LDAH: variants seen among roughly 807,000 people sequenced by gnomAD.
The protein encoded by LDAH is lipid droplet associated hydrolase.
A neutral mutation model predicts 29.6 loss-of-function variants in LDAH; 26 were observed. That is an observed-to-expected ratio of 0.88 (90% CI 0.64 to 1.22). The LOEUF (loss-of-function observed/expected upper bound fraction) is 1.22, where lower values mean the gene tolerates loss of function less well. Among genes scored for constraint, LDAH ranks in the 50% most tolerant of loss-of-function variants. The pLI is 0.00. For synonymous variants in LDAH, 117 were observed against 133.0 expected (o/e 0.88, Z 0.83); for missense variants, 344 against 387.3 (o/e 0.89, Z 0.94).
intron 5 of LDAH, among the ~76,000 whole-genome samples, chr2:20,727,582 T>C (rs1254465022): frequency 1.3e-5 from 2 of 152,186 alleles, no homozygotes; most frequent in African/African-American, 4.8e-5. Flanking sequence ...AAATAAAATA[T>C]CAATTTGGCC....
chr2:20,809,385 G>C lies in LDAH; in HGVS notation c.-2-7920C>G, dbSNP rs58426939. 6.3e-3 allele frequency among the ~76,000 whole-genome samples: 965 copies of C among 152,164 alleles called. 14 individuals are homozygous for C. Among genetic ancestry groups the C allele is most frequent in the African/African-American group, 0.022 (903 of 41,506 alleles). On this transcript the variant is annotated intron_variant, in intron 1 of 6. Transcript: ENST00000237822. ...CTGCACTCCAGCCTGGCAGCAGAGT[G>C]AGAGTTCATCTCAAAAAAAAAGGAA... is the stretch of plus-strand genomic sequence containing the variant.
At chr2:20,817,637 T>C (rs1572698508) in intron 1 of LDAH, among the ~76,000 whole-genome samples, 3 of 152,234 alleles carry the variant, frequency 2.0e-5, no homozygotes. Flanking sequence ...ACACTTACCA[T>C]ATGACTTAGC....
chr2:20,683,037 T>C (rs1208511600), downstream of LDAH, among the ~76,000 whole-genome samples: 1 of 152,244 alleles, frequency 6.6e-6, no homozygotes, highest in Non-Finnish European at 1.5e-5. Flanking sequence ...CTCTTCTCTC[T>C]TCCAAGAGCT....
intron 6 of LDAH, among the ~76,000 whole-genome samples, chr2:20,696,610 C>A (rs1558384875): frequency 6.6e-6 from 1 of 152,196 alleles, no homozygotes; most frequent in Non-Finnish European, 1.5e-5. Flanking sequence ...TAGAATTCCC[C>A]CCCTAAGTGG....
chr2:20,810,399 A>G (rs1024758629), intron 1 of LDAH, among the ~76,000 whole-genome samples: 3 of 152,226 alleles, frequency 2.0e-5, no homozygotes, highest in Non-Finnish European at 4.4e-5. Flanking sequence ...TACCCTCAAA[A>G]GTCACATAGC....
At chr2:20,778,672 C>G (rs930775764) in intron 3 of LDAH, among the ~76,000 whole-genome samples, 1 of 152,010 alleles carries the variant, frequency 6.6e-6, no homozygotes, top group Non-Finnish European at 1.5e-5. Flanking sequence ...GATAAAAACA[C>G]AATCATTAAA....
At chr2:20,803,184 T>C (rs1324731498) in intron 1 of LDAH, among the ~76,000 whole-genome samples, 1 of 152,192 alleles carries the variant, frequency 6.6e-6, no homozygotes, top group Non-Finnish European at 1.5e-5. Context: ...CAAATAATTA[T>C]CCAGCCCTGA....
chr2:20,783,781 G>A (rs567611799), intron 3 of LDAH, among the ~76,000 whole-genome samples: 131 of 152,164 alleles, frequency 8.6e-4, no homozygotes, highest in Non-Finnish European at 1.6e-3. Context: ...GCATGATCTC[G>A]GCTCACTGCA....
intron 4 of LDAH, among the ~76,000 whole-genome samples, chr2:20,745,232 A>C (rs538153967): frequency 6.6e-6 from 1 of 152,198 alleles, no homozygotes; most frequent in East Asian, 1.9e-4. Flanking sequence ...AATTACAAAG[A>C]GTTTTCCAAA....
intron 5 of LDAH, among the ~76,000 whole-genome samples, chr2:20,735,807 T>C (rs1001700423): frequency 6.6e-6 from 1 of 152,154 alleles, no homozygotes; most frequent in Non-Finnish European, 1.5e-5. Flanking sequence ...GGGCTCCTCA[T>C]AGCTGCTGGG....
chr2:20,812,713 A>G (rs1400087061), intron 1 of LDAH, among the ~76,000 whole-genome samples: 1 of 152,230 alleles, frequency 6.6e-6, no homozygotes, highest in African/African-American at 2.4e-5. Context: ...CATGTAAAGT[A>G]ATGTAAGCCA....
intron 6 of LDAH, among the ~76,000 whole-genome samples, chr2:20,688,584 T>C (rs1033379381): frequency 6.6e-6 from 1 of 152,166 alleles, no homozygotes; most frequent in African/African-American, 2.4e-5. Context: ...GCAGGCGTTA[T>C]TGCTCACTGG....
chr2:20,745,673 AT>A (rs138929721), intron 4 of LDAH, among the ~76,000 whole-genome samples: 2,696 of 152,300 alleles, frequency 0.018, 29 homozygotes, highest in Non-Finnish European at 0.026. Flanking sequence ...ATATTAAAAA[AT>A]AAGATATAAT....
chr2:20,728,109 G>T (rs1351383193), intron 5 of LDAH, among the ~76,000 whole-genome samples: 1 of 152,146 alleles, frequency 6.6e-6, no homozygotes, highest in African/African-American at 2.4e-5. Flanking sequence ...TAAACTAAAG[G>T]ATACAGAAAA....
intron 1 of LDAH, among the ~76,000 whole-genome samples, chr2:20,822,718 C>T (rs1673419306): frequency 6.6e-6 from 1 of 152,086 alleles, no homozygotes; most frequent in Admixed American, 6.5e-5. Flanking sequence ...GGCCAGCTGC[C>T]CAACTTTTTG....
intron 6 of LDAH, among the ~76,000 whole-genome samples, chr2:20,694,732 T>C (rs1313837183): frequency 2.0e-5 from 3 of 151,896 alleles, no homozygotes; most frequent in Admixed American, 6.6e-5. Flanking sequence ...AAAGGAGGAG[T>C]AGGTCCTATG....
intron 4 of LDAH, among the ~76,000 whole-genome samples, chr2:20,754,353 T>C (rs528403543): frequency 1.3e-5 from 2 of 151,700 alleles, no homozygotes; most frequent in South Asian, 4.2e-4. Flanking sequence ...TAGCCAGGCC[T>C]GGCAGCAAGT....
intron 4 of LDAH, among the ~76,000 whole-genome samples, chr2:20,762,300 G>A (rs2124960688): frequency 6.6e-6 from 1 of 152,040 alleles, no homozygotes; most frequent in Non-Finnish European, 1.5e-5. Context: ...GGTTCAAAGG[G>A]TATGAATACT....
rs554477950 is a variant in LDAH, at chr2:20,823,083, G to T, written c.-49C>A. On this transcript the variant is annotated 5_prime_UTR_variant, in exon 1 of 7. Transcript: ENST00000237822. ...CGCTCTCCCTGAGGGTCCTGGGAAG[G>T]CGGCACGAGACCGGAAGTGCCCCCC... is the stretch of plus-strand genomic sequence containing the variant. 6.6e-6 allele frequency: 1 copy of T among 152,322 alleles called. No homozygotes were observed. Among genetic ancestry groups the T allele is most frequent in the Non-Finnish European group, 1.5e-5 (1 of 68,144 alleles). 9.4% of individuals were successfully genotyped at this position (152,322 alleles called of 1,614,324 possible).
Sources: gnomAD v4.1 joint callset for allele counts (sites outside exome capture counted in the v4.1 genomes callset) on GRCh38, gnomAD v4.1.1 for gene constraint, MANE v1.5 for transcripts, NCBI Gene and HGNC (gene_info 2026-07-23, HGNC 2026-07-21) for gene names.